The following MUC17 variants were observed in gnomAD, a reference collection of about 807,000 sequenced individuals.
MUC17 encodes mucin 17, cell surface associated, also known as mucin-17.
Under a neutral mutation model 170.3 loss-of-function variants are expected in MUC17, and 190 were observed. The observed-to-expected ratio is 1.12, with a 90% CI of 0.99 to 1.26. The LOEUF (loss-of-function observed/expected upper bound fraction) is 1.26. MUC17 is among the 50% of genes most tolerant of loss of function. The pLI is 0.00. For missense variants in MUC17, 6,415 were observed against 5,530.0 expected (o/e 1.16, Z -5.08); for synonymous variants, 2,325 against 2,002.5 (o/e 1.16, Z -4.30).
intron 3 of MUC17, among the ~76,000 whole-genome samples, chr7:101,047,203 G>A (rs1045715195): frequency 3.9e-5 from 6 of 152,164 alleles, no homozygotes; most frequent in South Asian, 2.1e-4. Flanking sequence ...TAACAGTAAC[G>A]ATTGCCAGTA....
At chr7:101,031,031 T>A in intron 1 of MUC17, 89 bp from the exon 2 acceptor site, 1 of 1,454,664 alleles carries the variant, frequency 6.9e-7, no homozygotes. Context: ...CCAGGGACTT[T>A]CCAGGGCAGG....
In MUC17 at chr7:101,033,053, G is replaced by A; in HGVS notation, c.1637G>A (p.Ser546Asn). The A allele has an allele frequency of 6.3e-7, 1 of 1,598,046 alleles. No individual in the cohort carries two copies. The highest frequency in any genetic ancestry group is 8.5e-7 in the Non-Finnish European group (1 of 1,173,634). ...ACCAGCACACCTGTGACCACTTCTA[G>A]TGAAGCCAGTTCATCTTCTACAACT... ...VDTSTPVTTS[S>N]EASSSSTTPE... The change falls in exon 3 of 13, where the codon AGT becomes AAT. Residue 546 changes from serine (S) to asparagine (N), a missense_variant. Coordinates refer to ENST00000306151, the MANE Select transcript of MUC17 (RefSeq NM_001040105.2).
In MUC17 at chr7:101,053,080, G is replaced by A. The variant is rs201998602; in HGVS notation, c.13198G>A (p.Val4400Met). 16 of 1,614,128 alleles carry A rather than the reference G, an allele frequency of 9.9e-6. No individual in the cohort carries two copies. The highest frequency in any genetic ancestry group is 5.3e-5 in the African/African-American group (4 of 75,028). ...GTACGGCCTCGTGGGGGCAGGGGTC[G>A]TGCTGATGCTGATCATCCTGGTAGC... ...LVYGLVGAGV[V>M]LMLIILVALL... is the part of the protein sequence containing the mutation. The change falls in exon 10 of 13, where the codon GTG (valine) becomes ATG (methionine). Residue 4400 changes from valine to methionine, a missense_variant. By Grantham distance (21) the Val-to-Met change is conservative. Coordinates refer to ENST00000306151, the MANE Select transcript of MUC17 (RefSeq NM_001040105.2).
rs1418956021 is a variant in MUC17, at chr7:101,039,823, T to A, written c.8407T>A (p.Ser2803Thr). Residue 2803 changes from serine (S) to threonine (T), a missense_variant, in exon 3 of 13, where the codon TCA (serine) becomes ACA (threonine). Physicochemically the swap from Ser to Thr is moderately conservative, Grantham distance 58 (BLOSUM62 1). Coordinates refer to ENST00000306151, the MANE Select transcript of MUC17 (RefSeq NM_001040105.2). ...TTAEVTSMPTSTPSETSTPLT... is the reference protein window; with the variant it reads ...TTAEVTSMPTTTPSETSTPLT... The stretch of plus-strand genomic sequence containing the variant: ...TGCTGAAGTTACCAGCATGCCAACC[T>A]CAACTCCTAGTGAAACAAGTACTCC... 2.5e-6 allele frequency: 4 copies of A among 1,609,360 alleles called. No homozygotes were observed. The Admixed American group carries it at 5.0e-5, about 20-fold the overall frequency.
chr7:101,031,038 C>T, intron 1 of MUC17, 82 bp from the exon 2 acceptor site: 1 of 1,467,866 alleles, frequency 6.8e-7, no homozygotes, highest in Non-Finnish European at 9.1e-7. Flanking sequence ...CTTTCCAGGG[C>T]AGGGAGTAGA....
At position 101,043,131 on chromosome 7, in the gene MUC17, T is replaced by A; in HGVS notation, c.11715T>A (p.Thr3905=). 1 of 1,614,108 alleles carries A rather than the reference T, an allele frequency of 6.2e-7. No homozygotes were observed. The highest frequency in any genetic ancestry group is 8.5e-7 in the Non-Finnish European group (1 of 1,180,014). Residue 3905 remains threonine (T), a synonymous_variant, in exon 3 of 13, where the codon ACT becomes ACA. Coordinates refer to ENST00000306151, the MANE Select transcript of MUC17 (RefSeq NM_001040105.2). ...ASTPPLDTST[T]FTPSTDTAST... Reference sequence around the variant, plus strand: ...CACCTCCTCTTGACACAAGCACAACTTTTACCCCTTCTACTGACACTGCCT... The same window carrying A: ...CACCTCCTCTTGACACAAGCACAACATTTACCCCTTCTACTGACACTGCCT...
At position 101,039,833 on chromosome 7, in the gene MUC17, G is replaced by T. The variant is rs778968018; in HGVS notation, c.8417G>T (p.Ser2806Ile). Residue 2806 changes from serine to isoleucine, a missense_variant, in exon 3 of 13, where the codon AGT becomes ATT. Physicochemically the swap from Ser to Ile is moderately radical, Grantham distance 142. Transcript: ENST00000306151. Reference sequence around the variant, plus strand: ...ACCAGCATGCCAACCTCAACTCCTAGTGAAACAAGTACTCCATTAACTAGT... The same window carrying T: ...ACCAGCATGCCAACCTCAACTCCTATTGAAACAAGTACTCCATTAACTAGT... ...EVTSMPTSTPSETSTPLTSMP... is the reference protein window; with the variant it reads ...EVTSMPTSTPIETSTPLTSMP... 1.9e-6 allele frequency: 3 copies of T among 1,610,564 alleles called. No homozygotes were observed. The highest frequency in any genetic ancestry group is 2.5e-6 in the Non-Finnish European group (3 of 1,178,378).
At chr7:101,046,854 T>C (rs560207180) in intron 3 of MUC17, among the ~76,000 whole-genome samples, 1 of 151,752 alleles carries the variant, frequency 6.6e-6, no homozygotes, top group East Asian at 1.9e-4. Context: ...CTGAGGTGGG[T>C]GGATCACAAG....
chr7:101,032,266 G>A lies in MUC17; in HGVS notation c.850G>A (p.Val284Met), dbSNP rs201857499. ...TCCATTAACAAGAATGCCTCTCAGC[G>A]TGATGCTGGTGGTCAGTTCTGAGGC... ...STPLTRMPLS[V>M]MLVVSSEAST... The change falls in exon 3 of 13, where the codon GTG becomes ATG. Residue 284 changes from valine to methionine, a missense_variant. By Grantham distance (21) the Val-to-Met change is conservative (BLOSUM62 1). Coordinates refer to ENST00000306151, the MANE Select transcript of MUC17 (RefSeq NM_001040105.2). The A allele has an allele frequency of 1.9e-5, 31 of 1,612,736 alleles. No homozygotes were observed. The highest frequency in any genetic ancestry group is 1.7e-4 in the African/African-American group (13 of 74,594).
At chr7:101,048,394 C>A in intron 4 of MUC17, 1 of 239,568 alleles carries the variant, frequency 4.2e-6, no homozygotes, top group Non-Finnish European at 7.9e-6. Context: ...AGCTCGAGAC[C>A]AGCCTGGGCA....
chr7:101,054,051 C>A lies in MUC17; in HGVS notation c.13363+615C>A, dbSNP rs1280152764. On this transcript the variant is annotated intron_variant, in intron 11 of 12. Transcript: ENST00000306151. ...CTCCAGCCTGGGCAACAGAACAAGA[C>A]CCTGTCAAAAAAAAAAAAAAAAAAA... Among the ~76,000 whole-genome samples, 4 of 50,740 alleles carry A rather than the reference C, an allele frequency of 7.9e-5. No individual in the cohort carries two copies. In the East Asian group the frequency reaches 2.3e-3, roughly 29 times the overall value. 33.3% of individuals were successfully genotyped at this position (50,740 alleles called of 152,430 possible).
Position 101,042,491 on chromosome 7 carries a change from G to T in MUC17, c.11075G>T (p.Gly3692Val), listed in dbSNP as rs747302952. Residue 3692 changes from glycine (G) to valine (V), a missense_variant, in exon 3 of 13, where the codon GGA becomes GTA. Gly to Val is a moderately radical substitution (Grantham distance 109). Transcript: ENST00000306151. Reference protein sequence around the residue: ...TTMPIWTPSEGSTPLTTMPVS... With the variant: ...TTMPIWTPSEVSTPLTTMPVS... ...ATGCCAATCTGGACGCCTAGTGAAG[G>T]AAGCACTCCATTAACAACTATGCCT... The T allele has an allele frequency of 3.7e-6, 6 of 1,612,382 alleles. No homozygotes were observed. The highest frequency in any genetic ancestry group is 5.1e-6 in the Non-Finnish European group (6 of 1,179,564).
chr7:101,049,244 C>G (rs1241351572), intron 5 of MUC17, 80 bp from the exon 6 acceptor site: 9 of 1,579,644 alleles, frequency 5.7e-6, no homozygotes, highest in Non-Finnish European at 7.8e-6. Context: ...GGATCATCCC[C>G]TGGTCCTGTG....
At chr7:101,027,488 C>A (rs1794202323) in intron 1 of MUC17, among the ~76,000 whole-genome samples, 1 of 152,168 alleles carries the variant, frequency 6.6e-6, no homozygotes, top group South Asian at 2.1e-4. Flanking sequence ...AGAATTTGTT[C>A]ATTTCATCTA....
chr7:101,048,138 C>T, intron 4 of MUC17, 23 bp downstream of exon 4: 1 of 1,540,830 alleles, frequency 6.5e-7, no homozygotes, highest in African/African-American at 1.4e-5. Flanking sequence ...CCAGGCCTTC[C>T]CCCACCCCAT....
Position 101,033,141 on chromosome 7 carries a change from G to A in MUC17, c.1725G>A (p.Met575Ile), listed in dbSNP as rs752643628. 27 of 1,611,830 alleles carry A rather than the reference G, an allele frequency of 1.7e-5. No individual in the cohort carries two copies. In the Admixed American group the frequency reaches 3.3e-4, roughly 20 times the overall value. The change falls in exon 3 of 13, where the codon ATG becomes ATA. Residue 575 changes from methionine to isoleucine, a missense_variant. Met to Ile is a conservative substitution (Grantham distance 10). Transcript: ENST00000306151. ...AAGGAAGCACTCCATTAACAAACAT[G>A]CCTGTCAGCACCAGGCTGGTGGTCA... ...PSEGSTPLTN[M>I]PVSTRLVVSS...
rs540936828 is a variant in MUC17, at chr7:101,040,761, A to T, written c.9345A>T (p.Thr3115=). ...TAACAGGTGTGCCTGTCAGCACCAC[A>T]CCGGTGACCAGTTCTGCAATCAGCA... is the stretch of plus-strand genomic sequence containing the variant. ...TPLTGVPVST[T]PVTSSAISTL... Residue 3115 remains threonine, a synonymous_variant, in exon 3 of 13, where the codon ACA becomes ACT. Transcript: ENST00000306151. 3.1e-6 allele frequency: 5 copies of T among 1,608,738 alleles called. 1 individual carries two copies. In the Middle Eastern group the frequency reaches 6.6e-4, roughly 214 times the overall value.
rs149393279 is a variant in MUC17, at chr7:101,036,403, A to T, written c.4987A>T (p.Ile1663Phe). Residue 1663 changes from isoleucine (I) to phenylalanine (F), a missense_variant, in exon 3 of 13, where the codon ATC becomes TTC. Transcript: ENST00000306151. The part of the protein sequence containing the change: ...TTPVDSNSPV[I>F]TSTEVSSSPT... ...TCCTGTTGACTCCAACAGTCCTGTG[A>T]TCACTTCTACTGAAGTCAGTTCATC... is the stretch of plus-strand genomic sequence containing the variant. 3.3e-6 allele frequency: 5 copies of T among 1,503,060 alleles called. No individual in the cohort carries two copies. Among genetic ancestry groups the T allele is most frequent in the Admixed American group, 1.8e-5 (1 of 54,506 alleles). 93.1% of individuals were successfully genotyped at this position (1,503,060 alleles called of 1,614,324 possible). A position where few individuals can be genotyped will look rare whatever the true frequency, so the allele number is the denominator to read the frequency against.
chr7:101,058,731 C>G lies in MUC17; in HGVS notation c.*687C>G, dbSNP rs764972517. The stretch of plus-strand genomic sequence containing the variant: ...CTGTATTTAAATATAGAGCATTTAC[C>G]TTTTGGTATATAAGATTGTGGGTAT... On this transcript the variant is annotated 3_prime_UTR_variant, in exon 13 of 13. Transcript: ENST00000306151. The G allele has an allele frequency of 9.2e-5, 14 of 152,036 alleles. No homozygotes were observed. The highest frequency in any genetic ancestry group is 1.9e-4 in the Non-Finnish European group (13 of 68,014). The allele number at this position is 152,036 out of a possible 1,614,324, so 9.4% of individuals were successfully genotyped here.
Sources: gnomAD v4.1 joint callset for allele counts (sites outside exome capture counted in the v4.1 genomes callset) on GRCh38, gnomAD v4.1.1 for gene constraint, MANE v1.5 for transcripts, NCBI Gene and HGNC (gene_info 2026-07-23, HGNC 2026-07-21) for gene names.